The following RTEL1 variants were observed in gnomAD, a reference collection of about 807,000 sequenced individuals.
RTEL1 encodes the protein regulator of telomere length.
A neutral mutation model predicts 162.2 loss-of-function variants in RTEL1; 86 were observed. That is an observed-to-expected ratio of 0.53 (90% CI 0.45 to 0.63). RTEL1 has a LOEUF of 0.63. Among genes scored for constraint, RTEL1 ranks in the 30% least tolerant of loss-of-function variants. RTEL1 has a pLI of 0.00. For missense variants in RTEL1, 1,941 were observed against 1,750.2 expected (o/e 1.11, Z -1.95); for synonymous variants, 958 against 717.9 (o/e 1.33, Z -5.35).
intron 16 of RTEL1, 150 bp downstream of exon 16, chr20:63,686,022 C>T: frequency 1.4e-6 from 1 of 690,770 alleles, no homozygotes; most frequent in Non-Finnish European, 2.5e-6. Context: ...AGAGCATTCT[C>T]CTCACTGTCC....
intron 14 of RTEL1, chr20:63,682,426 A>C (rs896953553): frequency 1.0e-6 from 1 of 985,614 alleles, no homozygotes; most frequent in Admixed American, 6.2e-5. Flanking sequence ...CTTAAGGAGA[A>C]GTCTCCACAC....
Position 63,693,474 on chromosome 20 carries a change from T to TCCACCTCCACCACCA in RTEL1, c.2992+194_2992+208dup, listed in dbSNP as rs2090840859. On this transcript the variant is annotated intron_variant, in intron 30 of 34. Transcript: ENST00000360203. Reference sequence around the variant, plus strand: ...CACCACCTCCACCTCCACCTCCACCTCCACCTCCACCACCACCTCCACCTC... The same window carrying TCCACCTCCACCACCA: ...CACCACCTCCACCTCCACCTCCACCTCCACCTCCACCACCACCACCTCCACCACCACCTCCACCTC... 2.3e-4 allele frequency among the ~76,000 whole-genome samples: 2 copies of TCCACCTCCACCACCA among 8,562 alleles called. 1 individual carries two copies. The highest frequency in any genetic ancestry group is 1.1e-3 in the African/African-American group (2 of 1,870). 5.6% of individuals were successfully genotyped at this position (8,562 alleles called of 152,430 possible). A position where few individuals can be genotyped will look rare whatever the true frequency, so the allele number is the denominator to read the frequency against.
rs774086034 is a variant in RTEL1 at position 63,693,459 on chromosome 20, ACCTCCACCT to A, written c.2992+179_2992+187del. On this transcript the variant is annotated intron_variant, in intron 30 of 34. Coordinates refer to ENST00000360203, the MANE Select transcript of RTEL1 (RefSeq NM_001283009.2). The stretch of plus-strand genomic sequence containing the variant: ...CACCAGCACCAGCAGCACCACCTCC[ACCTCCACCT>A]CCACCTCCACCTCCACCACCACCTC... Among the ~76,000 whole-genome samples the A allele has an allele frequency of 0.049, 887 of 18,208 alleles. 39 individuals carry two copies. The highest frequency in any genetic ancestry group is 0.057 in the Non-Finnish European group (494 of 8,646). 11.9% of individuals were successfully genotyped at this position (18,208 alleles called of 152,430 possible). A position where few individuals can be genotyped will look rare whatever the true frequency, so the allele number is the denominator to read the frequency against.
intron 14 of RTEL1, chr20:63,681,911 A>C: frequency 1.0e-6 from 1 of 985,414 alleles, no homozygotes; most frequent in Non-Finnish European, 1.2e-6. Context: ...CCTGCCTGCC[A>C]AGGGCTGCTG....
Position 63,662,536 on chromosome 20 carries a change from C to T in RTEL1, c.396-10C>T. On this transcript the variant is annotated splice_polypyrimidine_tract_variant and intron_variant, in intron 4 of 34. Transcript: ENST00000360203. ...GCTCCTCCTCGACCCACGGTGCTCT[C>T]TCCCACCAGGCCTAAGGTGTGTGTG... 6.2e-7 allele frequency: 1 copy of T among 1,613,994 alleles called. No individual in the cohort carries two copies. Among genetic ancestry groups the T allele is most frequent in the Non-Finnish European group, 8.5e-7 (1 of 1,179,994 alleles).
In RTEL1 at chr20:63,659,302, G is replaced by T; in HGVS notation, c.-101G>T. 5.2e-6 allele frequency: 4 copies of T among 770,858 alleles called. No individual in the cohort carries two copies. Among genetic ancestry groups the T allele is most frequent in the South Asian group, 2.9e-5 (2 of 69,398 alleles). 47.8% of individuals were successfully genotyped at this position (770,858 alleles called of 1,614,324 possible). On this transcript the variant is annotated 5_prime_UTR_variant, in exon 2 of 35. In the 5' UTR this introduces an upstream ATG that the reference lacks. Coordinates refer to ENST00000360203, the MANE Select transcript of RTEL1 (RefSeq NM_001283009.2). Reference sequence around the variant, plus strand: ...GTGCACATGCTCGCATCGCTTACCAGGAGTGCCCGAGACCCTAAGATGTTC... The same window carrying T: ...GTGCACATGCTCGCATCGCTTACCATGAGTGCCCGAGACCCTAAGATGTTC...
Position 63,661,855 on chromosome 20 carries a change from T to C in RTEL1, c.307T>C (p.Tyr103His), listed in dbSNP as rs1421652684. Reference protein sequence around the residue: ...AAAAGDPIACYTDIPKIIYAS... With the variant: ...AAAAGDPIACHTDIPKIIYAS... ...GCTTGCTTGTGTCTGGTCAGCTTGC[T>C]ACACGGACATCCCAAAGATTATTTA... The change falls in exon 4 of 35, where the codon TAC (tyrosine) becomes CAC (histidine). Residue 103 changes from tyrosine (Y) to histidine (H), a missense_variant. Physicochemically the swap from Tyr to His is moderately conservative, Grantham distance 83. Transcript: ENST00000360203. This position sits in a 1 kb window ranked among gnomAD's most constrained non-coding sequence, Gnocchi z 5.1. 1.9e-6 allele frequency: 3 copies of C among 1,614,084 alleles called. No individual in the cohort carries two copies. Among genetic ancestry groups the C allele is most frequent in the East Asian group, 4.5e-5 (2 of 44,876 alleles).
At chr20:63,686,808 CG>C in intron 16 of RTEL1, 1 of 159,426 alleles carries the variant, frequency 6.3e-6, no homozygotes, top group Non-Finnish European at 1.4e-5. Flanking sequence ...GTTGGGGTTG[CG>C]GGAGGCAGTG....
intron 10 of RTEL1, among the ~76,000 whole-genome samples, chr20:63,675,192 G>A (rs1013780640): frequency 2.0e-5 from 3 of 152,112 alleles, no homozygotes; most frequent in Non-Finnish European, 2.9e-5. Flanking sequence ...GGCGTGAGCC[G>A]CCACGCCCGG....
Position 63,671,907 on chromosome 20 carries a change from G to C in RTEL1, c.700-649G>C, listed in dbSNP as rs551502596. Among the ~76,000 whole-genome samples the C allele has an allele frequency of 2.0e-5, 3 of 151,952 alleles. No homozygotes were observed. The South Asian group carries it at 6.2e-4, about 32-fold the overall frequency. On this transcript the variant is annotated intron_variant, in intron 8 of 34. Transcript: ENST00000360203. Reference sequence around the variant, plus strand: ...TTTTGTTTTGTTTTGTTTTTGAGATGAAGTCTCACTCTGTCGCCTAGGCTG... The same window carrying C: ...TTTTGTTTTGTTTTGTTTTTGAGATCAAGTCTCACTCTGTCGCCTAGGCTG...
In RTEL1 at chr20:63,685,801, A is replaced by T; in HGVS notation, c.1277A>T (p.His426Leu). Residue 426 changes from histidine to leucine, a missense_variant, in exon 16 of 35, where the codon CAT becomes CTT. His to Leu is a moderately conservative substitution (Grantham distance 99). Transcript: ENST00000360203. ...TCCTGTCCCCTCCAGGTGCACATCC[A>T]TCCTGATGCTGGTCACCGGAGGACG... ...GALQSYKVHI[H>L]PDAGHRRTAQ... 1 of 1,612,374 alleles carries T rather than the reference A, an allele frequency of 6.2e-7. No homozygotes were observed. Among genetic ancestry groups the T allele is most frequent in the Non-Finnish European group, 8.5e-7 (1 of 1,179,846 alleles).
Position 63,692,975 on chromosome 20 carries a change from G to T in RTEL1, c.2823G>T (p.Glu941Asp). 1 of 1,612,596 alleles carries T rather than the reference G, an allele frequency of 6.2e-7. No homozygotes were observed. The highest frequency in any genetic ancestry group is 1.3e-5 in the African/African-American group (1 of 75,018). The change falls in exon 29 of 35, where the codon GAG becomes GAT. Residue 941 changes from glutamate to aspartate, a missense_variant. Glu to Asp is a conservative substitution (Grantham distance 45). Transcript: ENST00000360203. ...LAACLGPLFA[E>D]DPKKHNLLQG... ...CCTGTCTCGGCCCCCTCTTTGCTGA[G>T]GACCCCAAGAAGCACAACCTGCTCC...
intron 14 of RTEL1, chr20:63,681,413 G>A (rs1455437657): frequency 9.1e-6 from 9 of 985,240 alleles, no homozygotes; most frequent in Non-Finnish European, 1.1e-5. Context: ...CCAAGGCACA[G>A]GTGGCTGTGT....
chr20:63,687,271 G>A, intron 16 of RTEL1: 1 of 225,872 alleles, frequency 4.4e-6, no homozygotes. Context: ...TGGAATGTCG[G>A]GATGCCGGCG....
At chr20:63,681,663 C>A in intron 14 of RTEL1, 1 of 985,380 alleles carries the variant, frequency 1.0e-6, no homozygotes, top group African/African-American at 1.7e-5. Context: ...TTCTCCTTCA[C>A]AGACGCAGCT....
Position 63,687,749 on chromosome 20 carries a change from C to T in RTEL1, c.1460C>T (p.Ser487Phe), listed in dbSNP as rs764219586. The T allele has an allele frequency of 1.9e-6, 3 of 1,581,348 alleles. No homozygotes were observed. The Admixed American group carries it at 5.4e-5, about 29-fold the overall frequency. ...AGCGGCACGCTGGCCCCGGTGTCCTCCTTTGCTCTGGAGATGCAGATGTAC... is the reference window on the plus strand; with the variant it reads ...AGCGGCACGCTGGCCCCGGTGTCCTTCTTTGCTCTGGAGATGCAGATGTAC... ...LTSGTLAPVS[S>F]FALEMQIPFP... The change falls in exon 17 of 35, where the codon TCC becomes TTC. Residue 487 changes from serine (S) to phenylalanine (F), a missense_variant. Transcript: ENST00000360203.
At chr20:63,686,438 T>A in intron 16 of RTEL1, 1 of 156,802 alleles carries the variant, frequency 6.4e-6, no homozygotes, top group Non-Finnish European at 1.4e-5. Flanking sequence ...CTGTGGTTCT[T>A]GGGGTGTATC....
At chr20:63,688,775 C>A (rs2090655069) in intron 21 of RTEL1, 170 bp downstream of exon 21, 1 of 662,240 alleles carries the variant, frequency 1.5e-6, no homozygotes, top group Non-Finnish European at 2.5e-6. Flanking sequence ...TCTTATCTTA[C>A]AAAGCCCCCA....
At chr20:63,676,424 C>T (rs977564253) in intron 10 of RTEL1, among the ~76,000 whole-genome samples, 8 of 152,176 alleles carry the variant, frequency 5.3e-5, no homozygotes, top group Non-Finnish European at 7.4e-5. Flanking sequence ...CCAGATGGGA[C>T]GTCCTTTCTA....
Sources: allele counts gnomAD v4.1 joint callset (sites outside exome capture counted in the v4.1 genomes callset), GRCh38; gene constraint gnomAD v4.1.1; non-coding constraint Gnocchi (gnomAD v3.1); transcripts MANE v1.5; gene names NCBI Gene and HGNC (gene_info 2026-07-23, HGNC 2026-07-21).